The following RABGEF1 variants were observed in gnomAD, a reference collection of about 807,000 sequenced individuals.
RABGEF1 encodes rab5 GDP/GTP exchange factor.
RABGEF1 carries 26 observed loss-of-function variants against 57.3 expected under a neutral mutation model. That is an observed-to-expected ratio of 0.45 (90% confidence interval 0.33 to 0.63). The LOEUF (loss-of-function observed/expected upper bound fraction) is 0.63. Among genes scored for constraint, RABGEF1 ranks in the 20% least tolerant of loss-of-function variants. RABGEF1 has a pLI of 0.02. For missense variants in RABGEF1, 464 were observed against 607.6 expected (o/e 0.76, Z 2.48); for synonymous variants, 185 against 210.7 (o/e 0.88, Z 1.06).
At chr7:66,800,030 CAA>C (rs921280152) in intron 7 of RABGEF1, among the ~76,000 whole-genome samples, 1 of 151,120 alleles carries the variant, frequency 6.6e-6, no homozygotes, top group African/African-American at 2.4e-5. Context: ...GTTTAAATTA[CAA>C]AAAAAAATCT....
chr7:66,656,801 CA>C, the RABGEF1 span, among the ~76,000 whole-genome samples: 1 of 71,846 alleles, frequency 1.4e-5, no homozygotes, highest in South Asian at 4.6e-4. Context: ...GCCTGGGCAA[CA>C]AGAGTGAAAC....
intron 1 of RABGEF1, among the ~76,000 whole-genome samples, chr7:66,767,106 G>A (rs1428546726): frequency 3.3e-5 from 5 of 149,896 alleles, no homozygotes; most frequent in Middle Eastern, 3.4e-3. Flanking sequence ...CGGTTCATGC[G>A]ATTCTTGTGT....
At chr7:66,723,768 C>T (rs1203840241) in intron 2 of RABGEF1, among the ~76,000 whole-genome samples, 6 of 140,400 alleles carry the variant, frequency 4.3e-5, no homozygotes, top group African/African-American at 7.4e-5. Context: ...TTAGTAGTGA[C>T]GGGGTTTCAC....
chr7:66,778,776 G>A (rs1809166187), intron 3 of RABGEF1, among the ~76,000 whole-genome samples: 1 of 152,132 alleles, frequency 6.6e-6, no homozygotes, highest in Non-Finnish European at 1.5e-5. Context: ...CAGCTTGGAG[G>A]GGTTTCCACT....
At chr7:66,749,609 A>G (rs961817129) in intron 1 of RABGEF1, among the ~76,000 whole-genome samples, 1 of 152,070 alleles carries the variant, frequency 6.6e-6, no homozygotes, top group Non-Finnish European at 1.5e-5. Flanking sequence ...GCTGCAGTGC[A>G]CTATGATTGT....
At chr7:66,685,615 C>T (rs1440369276) in intron 1 of RABGEF1, among the ~76,000 whole-genome samples, 1 of 152,214 alleles carries the variant, frequency 6.6e-6, no homozygotes, top group Admixed American at 6.5e-5. Context: ...TTTTTGCATT[C>T]TCAACCCCAG....
chr7:66,776,228 A>C (rs1808500230), intron 3 of RABGEF1, among the ~76,000 whole-genome samples: 1 of 152,162 alleles, frequency 6.6e-6, no homozygotes, highest in Non-Finnish European at 1.5e-5. Context: ...CCCAGTTCCT[A>C]CCCTGGGGTA....
chr7:66,747,268 T>C (rs574415105), intron 1 of RABGEF1, among the ~76,000 whole-genome samples: 5 of 152,278 alleles, frequency 3.3e-5, no homozygotes, highest in South Asian at 2.1e-4. Flanking sequence ...GTATTAAGCT[T>C]TTTAATTTTC....
At chr7:66,773,839 T>C (rs186997516) in intron 2 of RABGEF1, 10 of 419,738 alleles carry the variant, frequency 2.4e-5, no homozygotes, top group South Asian at 1.5e-4. Flanking sequence ...CTAAGTTTTG[T>C]ATTTTATGTA....
chr7:66,699,091 T>C (rs1293355203), intron 1 of RABGEF1, among the ~76,000 whole-genome samples: 9 of 151,962 alleles, frequency 5.9e-5, no homozygotes, highest in Admixed American at 1.3e-4. Context: ...CTTGGGAGGG[T>C]TGGCCTTGGT....
chr7:66,681,446 C>A (rs984927686), upstream of RABGEF1, among the ~76,000 whole-genome samples: 3 of 150,252 alleles, frequency 2.0e-5, no homozygotes, highest in African/African-American at 4.9e-5. Flanking sequence ...CTCTGTCACC[C>A]GGGCTGGAGT....
intron 8 of RABGEF1, among the ~76,000 whole-genome samples, chr7:66,805,951 C>T (rs1292064123): frequency 6.6e-6 from 1 of 151,370 alleles, no homozygotes; most frequent in African/African-American, 2.4e-5. Context: ...CGCTGTGTTG[C>T]CCAGGCTGGT....
At chr7:66,785,613 G>T (rs1181490227) in intron 4 of RABGEF1, among the ~76,000 whole-genome samples, 1 of 152,184 alleles carries the variant, frequency 6.6e-6, no homozygotes, top group Non-Finnish European at 1.5e-5. Context: ...GGTGGCTCAC[G>T]CCTGTAATCC....
At chr7:66,761,801 C>G (rs781465645) in intron 1 of RABGEF1, among the ~76,000 whole-genome samples, 1 of 152,008 alleles carries the variant, frequency 6.6e-6, no homozygotes, top group Non-Finnish European at 1.5e-5. Flanking sequence ...CCTGTAATCC[C>G]GCACTTTGGG....
chr7:66,689,024 G>C (rs62466127), intron 1 of RABGEF1, among the ~76,000 whole-genome samples: 1 of 151,990 alleles, frequency 6.6e-6, no homozygotes, highest in Non-Finnish European at 1.5e-5. Context: ...ACCTGGGAGA[G>C]GGAGGTTGCA....
chr7:66,757,901 G>A (rs1803179414), intron 1 of RABGEF1, among the ~76,000 whole-genome samples: 1 of 152,116 alleles, frequency 6.6e-6, no homozygotes, highest in African/African-American at 2.4e-5. Context: ...GTGAGCCACT[G>A]CGCCCGGCCG....
chr7:66,670,903 A>G, the RABGEF1 span, among the ~76,000 whole-genome samples: 2 of 151,770 alleles, frequency 1.3e-5, 1 homozygote, highest in African/African-American at 4.8e-5. Flanking sequence ...ATACACACAC[A>G]CACACACACA....
At chr7:66,800,118 C>T (rs1786941521) in intron 7 of RABGEF1, among the ~76,000 whole-genome samples, 1 of 152,180 alleles carries the variant, frequency 6.6e-6, no homozygotes, top group Non-Finnish European at 1.5e-5. Context: ...TTCATGTAGA[C>T]ATTGTTAATG....
Position 66,783,689 on chromosome 7 carries a change from A to G in RABGEF1, c.361A>G (p.Lys121Glu), listed in dbSNP as rs1400802443. ...TTTCCCAGCAGAAATTCAGGAAGCA[A>G]AAGCTCCCAGTCCTTCCATAAACCG... ...VGSKKEIQEAKAPSPSINRQT... is the reference protein window; with the variant it reads ...VGSKKEIQEAEAPSPSINRQT... Residue 121 changes from lysine to glutamate, a missense_variant, in exon 4 of 9, where the codon AAA becomes GAA. By Grantham distance (56) the Lys-to-Glu change is moderately conservative. Around this residue, in one of 4 missense-constraint regions of RABGEF1, gnomAD observed 284 missense variants for 389.9 expected, o/e 0.73. Transcript: ENST00000284957. 2 of 1,597,446 alleles carry G rather than the reference A, an allele frequency of 1.3e-6. No homozygotes were observed. The highest frequency in any genetic ancestry group is 1.1e-5 in the South Asian group (1 of 87,642).
Sources: gnomAD v4.1 joint callset for allele counts (sites outside exome capture counted in the v4.1 genomes callset) on GRCh38, gnomAD v4.1.1 for gene constraint, gnomAD v4.1.1 regional missense constraint, MANE v1.5 for transcripts, NCBI Gene and HGNC (gene_info 2026-07-23, HGNC 2026-07-21) for gene names.